TTLL1: variants seen among roughly 807,000 people sequenced by gnomAD.
The protein encoded by TTLL1 is TTL family tubulin polyglutamylase complex subunit L1, also known as polyglutamylase complex subunit TTLL1.
TTLL1 carries 33 observed loss-of-function variants against 47.8 expected under a neutral mutation model. The ratio of observed to expected loss-of-function variants is 0.69; its 90% CI spans 0.52 to 0.92. TTLL1 has a LOEUF of 0.92. Among genes scored for constraint, TTLL1 ranks in the 40% least tolerant of loss-of-function variants. The probability of loss-of-function intolerance (pLI) is 0.00; values close to 1 mark genes in which losing one functional copy is unlikely to be tolerated. For synonymous variants in TTLL1, 225 were observed against 214.1 expected (o/e 1.05, Z -0.45); for missense variants, 488 against 547.5 (o/e 0.89, Z 1.08).
At chr22:43,077,672 C>T (rs918253152) in intron 2 of TTLL1, among the ~76,000 whole-genome samples, 2 of 152,144 alleles carry the variant, frequency 1.3e-5, no homozygotes, top group African/African-American at 2.4e-5. Context: ...TGAAAAGTCT[C>T]GTTTTCAAAC....
intron 1 of TTLL1, among the ~76,000 whole-genome samples, chr22:43,084,962 CTTTTTTTTTTTT>C (rs148980685): frequency 1.8e-5 from 2 of 112,734 alleles, no homozygotes. Context: ...AAGCTGCCAC[CTTTTTTTTTTTT>C]TTTTTTTTTT....
intron 9 of TTLL1, among the ~76,000 whole-genome samples, chr22:43,046,975 GTTAT>G (rs1315948505): frequency 6.6e-6 from 1 of 152,020 alleles, no homozygotes; most frequent in Non-Finnish European, 1.5e-5. Flanking sequence ...CTGGAAAATG[GTTAT>G]TTAATATTGC....
chr22:43,059,343 C>G, intron 8 of TTLL1, 41 bp downstream of exon 8: 1 of 1,581,840 alleles, frequency 6.3e-7, no homozygotes, highest in Non-Finnish European at 8.6e-7. Context: ...CACTCCCAAA[C>G]GGGCCCTGGG....
intron 9 of TTLL1, among the ~76,000 whole-genome samples, chr22:43,051,315 C>T (rs969928817): frequency 6.6e-6 from 1 of 152,282 alleles, no homozygotes; most frequent in Non-Finnish European, 1.5e-5. Flanking sequence ...ACACGACATC[C>T]TCTCCACCCA....
chr22:43,051,895 G>A lies in TTLL1; in HGVS notation c.892-8C>T. The A allele has an allele frequency of 6.2e-7, 1 of 1,613,730 alleles. No individual in the cohort carries two copies. Reference sequence around the variant, plus strand: ...GTCATTGTTCATCACCGGCTGGAGAGAGAGTGACCAGTGGGTGACATGGCC... The same window carrying A: ...GTCATTGTTCATCACCGGCTGGAGAAAGAGTGACCAGTGGGTGACATGGCC... On this transcript the variant is annotated splice_region_variant and splice_polypyrimidine_tract_variant and intron_variant, in intron 8 of 10. Coordinates refer to ENST00000266254, the MANE Select transcript of TTLL1 (RefSeq NM_012263.5).
chr22:43,049,993 A>G (rs1926480047), intron 9 of TTLL1, among the ~76,000 whole-genome samples: 1 of 152,122 alleles, frequency 6.6e-6, no homozygotes. Context: ...CTACTCCAGG[A>G]GGCTGAGGCA....
intron 3 of TTLL1, among the ~76,000 whole-genome samples, chr22:43,071,768 T>C (rs1928139383): frequency 6.6e-6 from 1 of 152,210 alleles, no homozygotes; most frequent in South Asian, 2.1e-4. Context: ...GCAATTCTAC[T>C]TCTCCTTGTG....
At chr22:43,063,523 T>A (rs1273104859) in intron 7 of TTLL1, among the ~76,000 whole-genome samples, 1 of 150,632 alleles carries the variant, frequency 6.6e-6, no homozygotes, top group East Asian at 2.0e-4. Context: ...TGGAGTGCAA[T>A]GGTGCAATCT....
intron 2 of TTLL1, among the ~76,000 whole-genome samples, chr22:43,077,392 C>T (rs1024885168): frequency 6.6e-6 from 1 of 152,190 alleles, no homozygotes; most frequent in Non-Finnish European, 1.5e-5. Context: ...GTCGCTTGCT[C>T]CACAAAGCCT....
intron 1 of TTLL1, among the ~76,000 whole-genome samples, chr22:43,085,151 T>G (rs1929152422): frequency 6.6e-6 from 1 of 151,860 alleles, no homozygotes; most frequent in African/African-American, 2.4e-5. Context: ...TAATTTTTTG[T>G]ATTTTTAATA....
At position 43,082,711 on chromosome 22, in the gene TTLL1, G is replaced by A. The variant is rs540221607; in HGVS notation, c.-89-2725C>T. Among the ~76,000 whole-genome samples, 174 of 134,244 alleles carry A rather than the reference G, an allele frequency of 1.3e-3. 2 individuals carry two copies. The highest frequency in any genetic ancestry group is 4.4e-3 in the African/African-American group (166 of 37,708). The allele number at this position is 134,244 out of a possible 152,430, so 88.1% of individuals were successfully genotyped here. A position where few individuals can be genotyped will look rare whatever the true frequency, so the allele number is the denominator to read the frequency against. ...AGCCTGGGCAACAGGATGAGACTCT[G>A]TATCAAAAATAATAAAAACAGGCTG... is the stretch of plus-strand genomic sequence containing the variant. On this transcript the variant is annotated intron_variant, in intron 1 of 10. Coordinates refer to ENST00000266254, the MANE Select transcript of TTLL1 (RefSeq NM_012263.5).
intron 10 of TTLL1, among the ~76,000 whole-genome samples, chr22:43,043,736 C>A (rs966041072): frequency 3.9e-5 from 6 of 152,108 alleles, no homozygotes; most frequent in Non-Finnish European, 8.8e-5. Flanking sequence ...CTCCCACCCC[C>A]CATACTCCTG....
chr22:43,075,022 A>G (rs554656247), intron 3 of TTLL1, among the ~76,000 whole-genome samples: 6 of 152,180 alleles, frequency 3.9e-5, no homozygotes, highest in Middle Eastern at 3.4e-3. Flanking sequence ...CAAAAAAATT[A>G]GCCAGGTGTG....
rs138784876 is a variant in TTLL1 at position 43,081,102 on chromosome 22, G to C, written c.-89-1116C>G. On this transcript the variant is annotated intron_variant, in intron 1 of 10. Transcript: ENST00000266254. ...GGTTAATTTTTGTATTTTTAGTAGAGACAGGGTTTCACCATGTTGGCCAGG... is the reference window on the plus strand; with the variant it reads ...GGTTAATTTTTGTATTTTTAGTAGACACAGGGTTTCACCATGTTGGCCAGG... Among the ~76,000 whole-genome samples the C allele has an allele frequency of 2.7e-3, 417 of 151,730 alleles. 3 individuals are homozygous for C. Among genetic ancestry groups the C allele is most frequent in the African/African-American group, 9.4e-3 (389 of 41,392 alleles).
intron 7 of TTLL1, among the ~76,000 whole-genome samples, chr22:43,059,915 C>A (rs1257820009): frequency 6.6e-6 from 1 of 152,146 alleles, no homozygotes; most frequent in Admixed American, 6.6e-5. Flanking sequence ...GTCTTGAACT[C>A]CTGGCCTCAA....
Position 43,047,368 on chromosome 22 carries a change from C to T in TTLL1, c.979-795G>A, listed in dbSNP as rs918436556. On this transcript the variant is annotated intron_variant, in intron 9 of 10. Coordinates refer to ENST00000266254, the MANE Select transcript of TTLL1 (RefSeq NM_012263.5). ...CCTTCCAACACATGGAAAGGTGGTC[C>T]CATAAGGCCTCTGAGAAGCTAAGCA... 3.9e-5 allele frequency among the ~76,000 whole-genome samples: 6 copies of T among 152,096 alleles called. No individual in the cohort carries two copies. In the South Asian group the frequency reaches 1.2e-3, roughly 32 times the overall value.
chr22:43,051,995 A>G, intron 8 of TTLL1, 108 bp from the exon 9 acceptor site: 1 of 949,452 alleles, frequency 1.1e-6, no homozygotes, highest in Non-Finnish European at 1.7e-6. Flanking sequence ...CTCCCACAGC[A>G]CAGGTTCCCA....
In TTLL1 at chr22:43,056,220, G is replaced by A. The variant is rs554515142; in HGVS notation, c.891+3164C>T. 4.6e-5 allele frequency among the ~76,000 whole-genome samples: 7 copies of A among 151,858 alleles called. No individual in the cohort carries two copies. The East Asian group carries it at 9.8e-4, about 21-fold the overall frequency. On this transcript the variant is annotated intron_variant, in intron 8 of 10. Coordinates refer to ENST00000266254, the MANE Select transcript of TTLL1 (RefSeq NM_012263.5). Reference sequence around the variant, plus strand: ...CTAAAAATACAAAAATTAGCTGGGCGTGGTGGCGCGCACTTGTAGTCCCAG... The same window carrying A: ...CTAAAAATACAAAAATTAGCTGGGCATGGTGGCGCGCACTTGTAGTCCCAG...
At chr22:43,054,486 A>G (rs997878857) in intron 8 of TTLL1, among the ~76,000 whole-genome samples, 3 of 145,526 alleles carry the variant, frequency 2.1e-5, no homozygotes, top group African/African-American at 7.7e-5. Context: ...GTACAATGGC[A>G]CGGTCTCGGC....
Sources: allele counts gnomAD v4.1 joint callset (sites outside exome capture counted in the v4.1 genomes callset), GRCh38; gene constraint gnomAD v4.1.1; transcripts MANE v1.5; gene names NCBI Gene and HGNC (gene_info 2026-07-23, HGNC 2026-07-21).